Variants in MCU observed in about 807,000 individuals in gnomAD.
MCU encodes the protein calcium uniporter protein, mitochondrial.
Under a neutral mutation model 45.2 loss-of-function variants are expected in MCU, and 12 were observed. That is an observed-to-expected ratio of 0.27 (90% confidence interval 0.17 to 0.43). The LOEUF (loss-of-function observed/expected upper bound fraction) is 0.43, where lower values mean the gene tolerates loss of function less well. Ranked by LOEUF, MCU falls within the 20% of genes least tolerant of loss-of-function variation. The pLI is 1.00. For missense variants in MCU, 324 were observed against 436.7 expected (o/e 0.74, Z 2.30); for synonymous variants, 160 against 165.1 (o/e 0.97, Z 0.24).
intron 2 of MCU, among the ~76,000 whole-genome samples, chr10:72,853,801 G>C (rs183185681): frequency 6.6e-6 from 1 of 152,268 alleles, no homozygotes; most frequent in Admixed American, 6.5e-5. Flanking sequence ...AGGATTGCTT[G>C]AGACCAGCCT....
At chr10:72,772,245 C>T (rs1197269400) in intron 1 of MCU, among the ~76,000 whole-genome samples, 1 of 152,168 alleles carries the variant, frequency 6.6e-6, no homozygotes, top group Non-Finnish European at 1.5e-5. Flanking sequence ...TCCATAAGTC[C>T]CATGGGCACA....
At chr10:72,720,468 T>C (rs1843006309) in intron 1 of MCU, among the ~76,000 whole-genome samples, 2 of 151,672 alleles carry the variant, frequency 1.3e-5, no homozygotes, top group Non-Finnish European at 2.9e-5. Flanking sequence ...ACCTTTTTCT[T>C]AGCCCTTTCA....
chr10:72,881,908 A>C (rs762659761), intron 6 of MCU, among the ~76,000 whole-genome samples: 10 of 152,272 alleles, frequency 6.6e-5, no homozygotes, highest in Admixed American at 2.6e-4. Flanking sequence ...CCCAAATGCT[A>C]TCAGCTGAGG....
chr10:72,832,094 TCTCA>T (rs992468447), intron 1 of MCU, among the ~76,000 whole-genome samples: 1 of 152,010 alleles, frequency 6.6e-6, no homozygotes, highest in African/African-American at 2.4e-5. Flanking sequence ...AGAGATGAGG[TCTCA>T]CTCTGTTGCC....
At chr10:72,804,017 AATATATAT>A (rs35518652) in intron 1 of MCU, among the ~76,000 whole-genome samples, 587 of 34,668 alleles carry the variant, frequency 0.017, 8 homozygotes, top group Non-Finnish European at 0.027. Flanking sequence ...AATGTAAGTA[AATATATAT>A]ATATATATAT....
chr10:72,720,146 A>G (rs1843002435), intron 1 of MCU, among the ~76,000 whole-genome samples: 1 of 152,152 alleles, frequency 6.6e-6, no homozygotes. Flanking sequence ...GATTACAGGC[A>G]TGAGTCACTG....
At chr10:72,858,885 T>C (rs1484664284) in intron 2 of MCU, among the ~76,000 whole-genome samples, 3 of 152,142 alleles carry the variant, frequency 2.0e-5, no homozygotes, top group Admixed American at 6.5e-5. Context: ...TATTCACCAA[T>C]ATCAAGAACT....
intron 1 of MCU, among the ~76,000 whole-genome samples, chr10:72,761,800 G>C (rs960999904): frequency 1.3e-5 from 2 of 152,106 alleles, no homozygotes; most frequent in African/African-American, 2.4e-5. Context: ...AATTACCTGA[G>C]TAGTGTACAT....
chr10:72,710,517 T>C (rs1842878055), intron 1 of MCU, among the ~76,000 whole-genome samples: 1 of 150,338 alleles, frequency 6.7e-6, no homozygotes, highest in Non-Finnish European at 1.5e-5. Flanking sequence ...AGGAGCTCAC[T>C]TGGAAAGGCC....
At chr10:72,885,273 T>G (rs1284743251) in intron 7 of MCU, among the ~76,000 whole-genome samples, 1 of 152,230 alleles carries the variant, frequency 6.6e-6, no homozygotes, top group Admixed American at 6.5e-5. Flanking sequence ...AGTCCAAGCA[T>G]GTGTGAGTTT....
chr10:72,842,603 C>A (rs1845064093), intron 2 of MCU, among the ~76,000 whole-genome samples: 5 of 152,074 alleles, frequency 3.3e-5, no homozygotes, highest in Admixed American at 2.6e-4. Context: ...TAAACAATAG[C>A]AGCTTGTAAT....
chr10:72,797,231 A>T (rs9663828), intron 1 of MCU, among the ~76,000 whole-genome samples: 92,481 of 146,310 alleles, frequency 0.63, 30,460 homozygotes, highest in African/African-American at 0.72. Context: ...ATTTTATTTT[A>T]TTTTTTTTTT....
intron 1 of MCU, among the ~76,000 whole-genome samples, chr10:72,773,372 A>G (rs137924652): frequency 2.1e-3 from 314 of 152,298 alleles, no homozygotes; most frequent in African/African-American, 7.2e-3. Flanking sequence ...GAGGCTCTCA[A>G]TGGCAGAATG....
intron 1 of MCU, among the ~76,000 whole-genome samples, chr10:72,739,978 A>G (rs1166823761): frequency 6.6e-6 from 1 of 151,652 alleles, no homozygotes; most frequent in Non-Finnish European, 1.5e-5. Context: ...GCCCAGCTGA[A>G]AATTAAGATT....
At chr10:72,879,987 G>C (rs1471556222) in intron 6 of MCU, among the ~76,000 whole-genome samples, 4 of 152,190 alleles carry the variant, frequency 2.6e-5, no homozygotes, top group Non-Finnish European at 5.9e-5. Flanking sequence ...GGTGGAGGTT[G>C]CAATGAACCG....
chr10:72,762,028 A>G (rs1394201854), intron 1 of MCU, among the ~76,000 whole-genome samples: 1 of 152,138 alleles, frequency 6.6e-6, no homozygotes, highest in African/African-American at 2.4e-5. Flanking sequence ...GGCCCCCTGA[A>G]TATCTGACAA....
intron 2 of MCU, among the ~76,000 whole-genome samples, chr10:72,858,161 C>G (rs1318417877): frequency 2.0e-5 from 3 of 152,144 alleles, no homozygotes; most frequent in East Asian, 3.8e-4. Context: ...GAACAGGATG[C>G]ATGCTGAGCA....
At chr10:72,804,040 A>G (rs1261306602) in intron 1 of MCU, among the ~76,000 whole-genome samples, 1 of 68,288 alleles carries the variant, frequency 1.5e-5, no homozygotes, top group Non-Finnish European at 2.5e-5. Context: ...ATATATATAT[A>G]TATATATATA....
intron 2 of MCU, among the ~76,000 whole-genome samples, chr10:72,842,951 C>T (rs1845067953): frequency 6.6e-6 from 1 of 151,626 alleles, no homozygotes; most frequent in South Asian, 2.1e-4. Flanking sequence ...GAAGTTCATC[C>T]ATAGCTTTAT....
Sources: gnomAD v4.1 joint callset for allele counts (sites outside exome capture counted in the v4.1 genomes callset) on GRCh38, gnomAD v4.1.1 for gene constraint, MANE v1.5 for transcripts, NCBI Gene and HGNC (gene_info 2026-07-23, HGNC 2026-07-21) for gene names.